Variants in MSH3 observed in about 807,000 individuals in gnomAD.
MSH3 encodes the protein mutS homolog 3.
In MSH3, 106 loss-of-function variants were observed where a neutral mutation model predicts 123.3. The observed-to-expected ratio is 0.86, with a 90% CI of 0.73 to 1.01. The LOEUF (loss-of-function observed/expected upper bound fraction) is 1.01. Among genes scored for constraint, MSH3 ranks in the 50% least tolerant of loss-of-function variants. The pLI is 0.00. For missense variants in MSH3, 1,459 were observed against 1,347.6 expected (o/e 1.08, Z -1.29); for synonymous variants, 515 against 481.4 (o/e 1.07, Z -0.91).
chr5:80,834,628 A>G (rs1203467741), intron 20 of MSH3, among the ~76,000 whole-genome samples: 2 of 77,072 alleles, frequency 2.6e-5, no homozygotes, highest in African/African-American at 4.2e-5. Flanking sequence ...TTTAGTTTAA[A>G]TACTTAATAA....
At chr5:80,832,869 T>C (rs1745443985) in intron 20 of MSH3, among the ~76,000 whole-genome samples, 1 of 152,126 alleles carries the variant, frequency 6.6e-6, no homozygotes, top group Non-Finnish European at 1.5e-5. Flanking sequence ...AAGTCCTCTT[T>C]TCCTAATTGC....
intron 7 of MSH3, among the ~76,000 whole-genome samples, chr5:80,676,017 G>A (rs1377461361): frequency 6.6e-6 from 1 of 152,078 alleles, no homozygotes; most frequent in Non-Finnish European, 1.5e-5. Flanking sequence ...AATGTAATTT[G>A]TGAATTATAG....
chr5:80,770,299 A>T (rs898195659), intron 15 of MSH3, among the ~76,000 whole-genome samples: 1 of 151,334 alleles, frequency 6.6e-6, no homozygotes, highest in Admixed American at 6.6e-5. Flanking sequence ...CAGTGGAGAA[A>T]GTAAGTGTAA....
chr5:80,824,315 C>T (rs889384091), intron 20 of MSH3, among the ~76,000 whole-genome samples: 5 of 151,808 alleles, frequency 3.3e-5, no homozygotes, highest in Non-Finnish European at 5.9e-5. Context: ...GGCGGCTGGG[C>T]GGAGGCGCCC....
intron 8 of MSH3, among the ~76,000 whole-genome samples, chr5:80,680,424 A>G (rs1749949606): frequency 6.9e-6 from 1 of 145,738 alleles, no homozygotes; most frequent in Non-Finnish European, 1.5e-5. Flanking sequence ...TCAGAAGACA[A>G]AAAAAAAAGG....
chr5:80,746,088 T>C (rs1176116325), intron 12 of MSH3, among the ~76,000 whole-genome samples: 1 of 152,134 alleles, frequency 6.6e-6, no homozygotes, highest in African/African-American at 2.4e-5. Context: ...AATGCCACCT[T>C]CTATAGAAAA....
chr5:80,836,908 A>G (rs566405679), intron 20 of MSH3, among the ~76,000 whole-genome samples: 1 of 152,240 alleles, frequency 6.6e-6, no homozygotes, highest in South Asian at 2.1e-4. Flanking sequence ...ATTTTATGCT[A>G]TGTCACTTAT....
At chr5:80,824,818 T>C (rs1745265263) in intron 20 of MSH3, among the ~76,000 whole-genome samples, 1 of 152,218 alleles carries the variant, frequency 6.6e-6, no homozygotes, top group African/African-American at 2.4e-5. Context: ...TATCAGTTTA[T>C]ACAGATTAGT....
chr5:80,868,756 C>A (rs1412484825), intron 22 of MSH3, among the ~76,000 whole-genome samples: 1 of 151,086 alleles, frequency 6.6e-6, no homozygotes. Flanking sequence ...CACATGTACC[C>A]CTGAACTTAA....
chr5:80,691,293 A>G (rs1273122306), intron 8 of MSH3, among the ~76,000 whole-genome samples: 2 of 151,942 alleles, frequency 1.3e-5, no homozygotes, highest in East Asian at 3.8e-4. Context: ...GTTTCAGTAC[A>G]GCAGCAACAA....
chr5:80,699,740 C>G (rs929615513), intron 8 of MSH3, among the ~76,000 whole-genome samples: 1 of 151,960 alleles, frequency 6.6e-6, no homozygotes, highest in South Asian at 2.1e-4. Flanking sequence ...ATGTTTATTT[C>G]TTTAAAAAAT....
intron 12 of MSH3, among the ~76,000 whole-genome samples, chr5:80,756,734 C>T (rs1218365066): frequency 1.3e-5 from 2 of 152,132 alleles, no homozygotes; most frequent in Non-Finnish European, 2.9e-5. Context: ...TAGCAAAGCT[C>T]TGTTAACAAT....
chr5:80,654,720 G>C lies in MSH3; in HGVS notation c.-8G>C. 1.9e-6 allele frequency: 3 copies of C among 1,593,122 alleles called. No individual in the cohort carries two copies. The highest frequency in any genetic ancestry group is 2.2e-5 in the South Asian group (2 of 89,832). On this transcript the variant is annotated 5_prime_UTR_variant, in exon 1 of 24. Coordinates refer to ENST00000265081, the MANE Select transcript of MSH3 (RefSeq NM_002439.5). ...GCCCTGCCGCCGGGCTGCCATCCTT[G>C]CCCTGCCATGTCTCGCCGGAAGCCT...
intron 20 of MSH3, among the ~76,000 whole-genome samples, chr5:80,853,729 AG>A (rs1267658305): frequency 3.3e-5 from 5 of 152,204 alleles, no homozygotes; most frequent in African/African-American, 9.6e-5. Context: ...AATCTTCTTA[AG>A]GAAACACTGA....
At chr5:80,862,610 A>G (rs1746032458) in intron 21 of MSH3, among the ~76,000 whole-genome samples, 1 of 152,026 alleles carries the variant, frequency 6.6e-6, no homozygotes, top group Non-Finnish European at 1.5e-5. Context: ...AAAACAAAAA[A>G]TTAGCCAGGC....
chr5:80,774,950 G>T (rs540180184), intron 15 of MSH3, among the ~76,000 whole-genome samples: 1 of 152,246 alleles, frequency 6.6e-6, no homozygotes, highest in East Asian at 1.9e-4. Flanking sequence ...TTAAATAAAA[G>T]AGTATAACTG....
chr5:80,678,888 A>G, intron 7 of MSH3, 39 bp from the exon 8 acceptor site: 1 of 1,611,298 alleles, frequency 6.2e-7, no homozygotes, highest in Non-Finnish European at 8.5e-7. Flanking sequence ...CTGGGGAAAT[A>G]CATTTTTTCT....
intron 2 of MSH3, among the ~76,000 whole-genome samples, chr5:80,663,520 C>T (rs1382127299): frequency 6.6e-6 from 1 of 151,408 alleles, no homozygotes; most frequent in African/African-American, 2.4e-5. Flanking sequence ...AATACAACTC[C>T]AAGATCTTCA....
At chr5:80,679,971 G>C (rs865947563) in intron 8 of MSH3, among the ~76,000 whole-genome samples, 1 of 152,050 alleles carries the variant, frequency 6.6e-6, no homozygotes, top group African/African-American at 2.4e-5. Context: ...AAATCATTTA[G>C]AAAATCGAGG....
Sources: gnomAD v4.1 joint callset for allele counts (sites outside exome capture counted in the v4.1 genomes callset) on GRCh38, gnomAD v4.1.1 for gene constraint, MANE v1.5 for transcripts, NCBI Gene and HGNC (gene_info 2026-07-23, HGNC 2026-07-21) for gene names.